The following TEX14 variants were observed in gnomAD, a reference collection of about 807,000 sequenced individuals.
TEX14 encodes inactive serine/threonine-protein kinase TEX14.
TEX14 carries 168 observed loss-of-function variants against 178.6 expected under a neutral mutation model. The observed-to-expected ratio is 0.94, with a 90% confidence interval of 0.83 to 1.07. The LOEUF is 1.07. TEX14 is among the 50% of genes least tolerant of loss of function. TEX14 has a pLI of 0.00. For missense variants in TEX14, 1,730 were observed against 1,753.6 expected (o/e 0.99, Z 0.24); for synonymous variants, 626 against 634.1 (o/e 0.99, Z 0.19).
At chr17:58,578,890 A>G (rs1321427865) in intron 20 of TEX14, among the ~76,000 whole-genome samples, 1 of 152,254 alleles carries the variant, frequency 6.6e-6, no homozygotes. Flanking sequence ...GAGTAAGTTC[A>G]TAACACTACG....
intron 30 of TEX14, among the ~76,000 whole-genome samples, chr17:58,559,238 G>C (rs1273113575): frequency 6.6e-6 from 1 of 152,134 alleles, no homozygotes; most frequent in East Asian, 1.9e-4. Context: ...CTGGGCAAAA[G>C]CTTGCTTTGG....
intron 13 of TEX14, among the ~76,000 whole-genome samples, chr17:58,601,289 A>G (rs758175277): frequency 3.3e-5 from 5 of 151,962 alleles, no homozygotes; most frequent in Non-Finnish European, 5.9e-5. Context: ...TTGGGAGGCC[A>G]AGGCGGGTGG....
chr17:58,679,676 T>C (rs1025704535), intron 1 of TEX14: 1 of 152,216 alleles, frequency 6.6e-6, no homozygotes, highest in Admixed American at 6.6e-5. Flanking sequence ...GTTATTTCCC[T>C]TGCCAGTTAA....
At chr17:58,681,459 G>T (rs1175018312) in intron 1 of TEX14, among the ~76,000 whole-genome samples, 4 of 152,042 alleles carry the variant, frequency 2.6e-5, no homozygotes, top group Admixed American at 6.6e-5. Flanking sequence ...CCTTTTCAAA[G>T]AAGTATTATG....
At chr17:58,669,733 CAAAAAAAA>C (rs71367615) in intron 1 of TEX14, among the ~76,000 whole-genome samples, 1 of 56,300 alleles carries the variant, frequency 1.8e-5, no homozygotes, top group African/African-American at 6.3e-5. Context: ...GACTCCGTCT[CAAAAAAAA>C]AAAAAAAAAA....
chr17:58,622,830 G>A lies in TEX14; in HGVS notation c.417+17C>T. 6.3e-7 allele frequency: 1 copy of A among 1,596,784 alleles called. No homozygotes were observed. Among genetic ancestry groups the A allele is most frequent in the Non-Finnish European group, 8.6e-7 (1 of 1,167,194 alleles). On this transcript the variant is annotated intron_variant, in intron 4 of 31. Transcript: ENST00000349033. ...CTCTTCTAGTGGGCATGGCTACAGA[G>A]TGGGACCCACCCTTACCTGGGTGCT...
chr17:58,603,831 G>A (rs2045534188), intron 11 of TEX14, among the ~76,000 whole-genome samples: 2 of 150,052 alleles, frequency 1.3e-5, no homozygotes, highest in South Asian at 4.2e-4. Context: ...TTCAGCCTGG[G>A]CAACAGAGTG....
intron 10 of TEX14, among the ~76,000 whole-genome samples, chr17:58,609,536 C>A (rs2045696810): frequency 6.6e-6 from 1 of 152,158 alleles, no homozygotes; most frequent in African/African-American, 2.4e-5. Flanking sequence ...AGCCACCATG[C>A]CCAGCCTAGA....
At chr17:58,560,803 C>T (rs771228774) in intron 29 of TEX14, among the ~76,000 whole-genome samples, 1 of 152,164 alleles carries the variant, frequency 6.6e-6, no homozygotes, top group Non-Finnish European at 1.5e-5. Context: ...CACATGTGTC[C>T]TAGGACTCCT....
At chr17:58,672,947 G>A (rs539381805) in intron 1 of TEX14, among the ~76,000 whole-genome samples, 21 of 152,046 alleles carry the variant, frequency 1.4e-4, no homozygotes, top group Admixed American at 3.3e-4. Flanking sequence ...GGCCAGGCTG[G>A]TCTTGAACTC....
chr17:58,571,286 A>T (rs1233969119), intron 24 of TEX14, among the ~76,000 whole-genome samples: 2 of 125,910 alleles, frequency 1.6e-5, no homozygotes, highest in Non-Finnish European at 1.6e-5. Flanking sequence ...CCCAGGCTGG[A>T]GTGTAGTGGT....
intron 19 of TEX14, among the ~76,000 whole-genome samples, chr17:58,583,317 G>T (rs1427485381): frequency 1.3e-5 from 2 of 152,016 alleles, no homozygotes; most frequent in African/African-American, 4.8e-5. Flanking sequence ...CTTTTGTAGA[G>T]ATGGGGTCTT....
intron 31 of TEX14, among the ~76,000 whole-genome samples, chr17:58,557,306 T>G (rs1177717998): frequency 2.6e-5 from 4 of 151,856 alleles, no homozygotes; most frequent in Non-Finnish European, 5.9e-5. Context: ...AGTCTTGCTC[T>G]TATCCCCCAG....
intron 20 of TEX14, 28 bp from the exon 21 acceptor site, chr17:58,577,484 T>C (rs1263492929): frequency 4.5e-6 from 4 of 898,728 alleles, no homozygotes; most frequent in African/African-American, 3.5e-5. Context: ...AAAATATATA[T>C]ATATATTTTT....
At position 58,580,499 on chromosome 17, in the gene TEX14, A is replaced by G. The variant is rs2044786138; in HGVS notation, c.3172-768T>C. On this transcript the variant is annotated intron_variant, in intron 19 of 31. Transcript: ENST00000349033. Reference sequence around the variant, plus strand: ...GTTAATTTTTGTATTTTTAGTAGAGACGAGGTTTCACCATCTTGGCCAGGC... The same window carrying G: ...GTTAATTTTTGTATTTTTAGTAGAGGCGAGGTTTCACCATCTTGGCCAGGC... Among the ~76,000 whole-genome samples, 3 of 152,090 alleles carry G rather than the reference A, an allele frequency of 2.0e-5. No homozygotes were observed. In the South Asian group the frequency reaches 6.2e-4, roughly 32 times the overall value.
At chr17:58,684,319 A>G (rs1375475431) in intron 1 of TEX14, among the ~76,000 whole-genome samples, 1 of 151,724 alleles carries the variant, frequency 6.6e-6, no homozygotes, top group African/African-American at 2.4e-5. Context: ...AAAATTAGTG[A>G]GGCATGGTGG....
intron 19 of TEX14, among the ~76,000 whole-genome samples, chr17:58,584,176 C>T (rs539588022): frequency 5.1e-4 from 78 of 152,302 alleles, no homozygotes; most frequent in Non-Finnish European, 9.0e-4. Flanking sequence ...CCTAACTGAC[C>T]TCAGTCGCCT....
At chr17:58,626,186 A>C (rs1178281347) in intron 3 of TEX14, among the ~76,000 whole-genome samples, 2 of 152,142 alleles carry the variant, frequency 1.3e-5, no homozygotes, top group African/African-American at 4.8e-5. Flanking sequence ...GAGAAAACCT[A>C]AACCCAGTTA....
intron 10 of TEX14, among the ~76,000 whole-genome samples, chr17:58,610,591 A>G (rs948834441): frequency 6.6e-6 from 1 of 152,190 alleles, no homozygotes; most frequent in Non-Finnish European, 1.5e-5. Context: ...GTTGTGTTAA[A>G]AGCTGCTCAA....
Sources: gnomAD v4.1 joint callset for allele counts (sites outside exome capture counted in the v4.1 genomes callset) on GRCh38, gnomAD v4.1.1 for gene constraint, MANE v1.5 for transcripts, NCBI Gene and HGNC (gene_info 2026-07-23, HGNC 2026-07-21) for gene names.